OPCML: variants seen among roughly 807,000 people sequenced by gnomAD.
OPCML encodes opioid-binding protein/cell adhesion molecule.
A neutral mutation model predicts 37.8 loss-of-function variants in OPCML; 13 were observed. That is an observed-to-expected ratio of 0.34 (90% CI 0.22 to 0.55). The LOEUF (loss-of-function observed/expected upper bound fraction) is 0.55, where lower values mean the gene tolerates loss of function less well. Among genes scored for constraint, OPCML ranks in the 20% least tolerant of loss-of-function variants. OPCML has a pLI of 0.91. For synonymous variants in OPCML, 176 were observed against 168.8 expected (o/e 1.04, Z -0.33); for missense variants, 341 against 435.6 (o/e 0.78, Z 1.93).
intron 1 of OPCML, among the ~76,000 whole-genome samples, chr11:133,267,565 A>G (rs548449462): frequency 6.6e-6 from 1 of 152,328 alleles, no homozygotes; most frequent in African/African-American, 2.4e-5. Flanking sequence ...ATGGAATTTT[A>G]TCAAATAATT....
At chr11:133,247,013 G>C (rs968779304) in intron 1 of OPCML, among the ~76,000 whole-genome samples, 2 of 152,126 alleles carry the variant, frequency 1.3e-5, no homozygotes, top group African/African-American at 4.8e-5. Flanking sequence ...GAAGAGACTA[G>C]AATGAAAATA....
chr11:132,556,322 G>A (rs1591545546), intron 3 of OPCML, among the ~76,000 whole-genome samples: 1 of 152,062 alleles, frequency 6.6e-6, no homozygotes, highest in South Asian at 2.1e-4. Context: ...TAAGAAATAG[G>A]GGTCTATCTT....
chr11:132,616,368 G>A (rs1939018924), intron 3 of OPCML, among the ~76,000 whole-genome samples: 1 of 152,182 alleles, frequency 6.6e-6, no homozygotes, highest in Admixed American at 6.5e-5. Flanking sequence ...TTCACCTCCA[G>A]TAATGATAAA....
In OPCML at chr11:132,415,689, A is replaced by G. The variant is rs1406734304; in HGVS notation, c.*4504T>C. 6.6e-6 allele frequency: 1 copy of G among 152,548 alleles called. No homozygotes were observed. The highest frequency in any genetic ancestry group is 1.5e-5 in the Non-Finnish European group (1 of 68,038). 9.4% of individuals were successfully genotyped at this position (152,548 alleles called of 1,614,324 possible). A position where few individuals can be genotyped will look rare whatever the true frequency, so the allele number is the denominator to read the frequency against. On this transcript the variant is annotated 3_prime_UTR_variant, in exon 8 of 8. Transcript: ENST00000524381. ...TTAGCTCACTACTTTCAGGATAAAGACAACTGCATCTAATTAAGTCCACTC... is the reference window on the plus strand; with the variant it reads ...TTAGCTCACTACTTTCAGGATAAAGGCAACTGCATCTAATTAAGTCCACTC...
chr11:132,861,394 T>C (rs1474731094), intron 2 of OPCML, among the ~76,000 whole-genome samples: 1 of 152,248 alleles, frequency 6.6e-6, no homozygotes, highest in African/African-American at 2.4e-5. Context: ...TAAGGTTATA[T>C]TGACTATTCA....
chr11:132,560,133 C>T (rs1190389464), intron 3 of OPCML, among the ~76,000 whole-genome samples: 1 of 152,134 alleles, frequency 6.6e-6, no homozygotes, highest in Non-Finnish European at 1.5e-5. Flanking sequence ...TACCATTGTT[C>T]TCAGATCTTC....
At chr11:133,507,391 G>A (rs914549679) in intron 1 of OPCML, among the ~76,000 whole-genome samples, 3 of 152,156 alleles carry the variant, frequency 2.0e-5, no homozygotes, top group South Asian at 2.1e-4. Context: ...AAACATCAGC[G>A]CAGGCAGCAC....
chr11:133,368,181 G>T (rs924445976), intron 1 of OPCML, among the ~76,000 whole-genome samples: 1 of 151,574 alleles, frequency 6.6e-6, no homozygotes, highest in African/African-American at 2.4e-5. Context: ...GAAAGCGAAA[G>T]GGAGGGGGAG....
chr11:133,474,850 T>A (rs747228685), intron 1 of OPCML, among the ~76,000 whole-genome samples: 1 of 152,190 alleles, frequency 6.6e-6, no homozygotes, highest in Non-Finnish European at 1.5e-5. Flanking sequence ...CACTGGCCTT[T>A]GAGTGCACAC....
At chr11:132,932,414 C>T (rs771947286) in intron 2 of OPCML, among the ~76,000 whole-genome samples, 3 of 152,156 alleles carry the variant, frequency 2.0e-5, no homozygotes, top group East Asian at 1.9e-4. Context: ...TAAATATATG[C>T]GTCCAAGTAT....
chr11:132,490,126 T>C (rs2096211298), intron 4 of OPCML, among the ~76,000 whole-genome samples: 1 of 151,936 alleles, frequency 6.6e-6, no homozygotes, highest in South Asian at 2.1e-4. Flanking sequence ...GTCTTTGCTA[T>C]TGTGAACATT....
intron 2 of OPCML, among the ~76,000 whole-genome samples, chr11:132,823,783 G>A (rs1408521923): frequency 1.3e-5 from 2 of 152,032 alleles, no homozygotes; most frequent in Non-Finnish European, 2.9e-5. Flanking sequence ...CCTCTCCACT[G>A]AAATGGCTCC....
chr11:133,152,589 G>C (rs1404504328), intron 1 of OPCML, among the ~76,000 whole-genome samples: 1 of 150,154 alleles, frequency 6.7e-6, no homozygotes, highest in African/African-American at 2.5e-5. Flanking sequence ...AACCTCCACA[G>C]ACTGGTCTGT....
At chr11:133,263,216 G>A (rs1407254623) in intron 1 of OPCML, among the ~76,000 whole-genome samples, 3 of 151,928 alleles carry the variant, frequency 2.0e-5, no homozygotes, top group African/African-American at 7.3e-5. Context: ...AACTGTTTGC[G>A]GGGACTAAAT....
intron 1 of OPCML, among the ~76,000 whole-genome samples, chr11:133,198,589 C>T (rs1261488031): frequency 2.0e-5 from 3 of 152,184 alleles, no homozygotes; most frequent in African/African-American, 4.8e-5. Flanking sequence ...AAGAGGGCAG[C>T]ATGGGAACAC....
At chr11:132,708,921 T>C (rs1944146668) in intron 2 of OPCML, among the ~76,000 whole-genome samples, 1 of 152,260 alleles carries the variant, frequency 6.6e-6, no homozygotes, top group African/African-American at 2.4e-5. Flanking sequence ...ATACTGAGCA[T>C]ATTTAAATGG....
intron 1 of OPCML, among the ~76,000 whole-genome samples, chr11:132,949,666 C>T (rs373096512): frequency 5.9e-5 from 9 of 152,116 alleles, no homozygotes; most frequent in South Asian, 4.1e-4. Flanking sequence ...AAATGTAACA[C>T]GATTTTTACT....
intron 1 of OPCML, among the ~76,000 whole-genome samples, chr11:133,218,218 T>C (rs1939669914): frequency 6.6e-6 from 1 of 152,090 alleles, no homozygotes; most frequent in Admixed American, 6.5e-5. Flanking sequence ...CAAATTGGAA[T>C]CAAGTTAAGA....
chr11:133,382,630 A>G (rs1245292523), intron 1 of OPCML, among the ~76,000 whole-genome samples: 1 of 152,146 alleles, frequency 6.6e-6, no homozygotes, highest in Non-Finnish European at 1.5e-5. Context: ...TGACTAATAA[A>G]ACACACACCC....
Sources: allele counts gnomAD v4.1 joint callset (sites outside exome capture counted in the v4.1 genomes callset), GRCh38; gene constraint gnomAD v4.1.1; transcripts MANE v1.5; gene names NCBI Gene and HGNC (gene_info 2026-07-23, HGNC 2026-07-21).